Variants in ZNF461 observed in about 807,000 individuals in gnomAD.
ZNF461 encodes the protein zinc finger protein 461.
A neutral mutation model predicts 18.3 loss-of-function variants in ZNF461; 16 were observed. The observed-to-expected ratio is 0.88, with a 90% CI of 0.59 to 1.33. The LOEUF is 1.33. ZNF461 is among the 40% of genes most tolerant of loss of function. The probability of loss-of-function intolerance (pLI) is 0.00; values close to 1 mark genes in which losing one functional copy is unlikely to be tolerated. For synonymous variants in ZNF461, 179 were observed against 216.9 expected, an observed-to-expected ratio of 0.83 and a Z score of 1.54; for missense variants, 595 against 669.9, an observed-to-expected ratio of 0.89 and a Z score of 1.23.
intron 4 of ZNF461, among the ~76,000 whole-genome samples, chr19:36,655,414 T>A (rs2037699610): frequency 6.6e-6 from 1 of 152,086 alleles, no homozygotes; most frequent in Non-Finnish European, 1.5e-5. Flanking sequence ...GCCTGGGCAA[T>A]ACAGTGAGAC....
intron 4 of ZNF461, among the ~76,000 whole-genome samples, chr19:36,647,620 T>C (rs1360603861): frequency 1.3e-5 from 2 of 152,198 alleles, no homozygotes; most frequent in African/African-American, 4.8e-5. Flanking sequence ...TTTGCGTATA[T>C]ACCTAGAAGT....
intron 1 of ZNF461, among the ~76,000 whole-genome samples, chr19:36,665,663 C>T (rs2037901460): frequency 6.9e-6 from 1 of 144,894 alleles, no homozygotes; most frequent in Admixed American, 7.2e-5. Context: ...GAGCCGAGAT[C>T]GCGCCACCGC....
At chr19:36,645,880 G>A (rs1246141725) in intron 4 of ZNF461, among the ~76,000 whole-genome samples, 2 of 152,158 alleles carry the variant, frequency 1.3e-5, no homozygotes, top group Admixed American at 1.3e-4. Context: ...CACCACCCGG[G>A]TTCAAGCGAT....
chr19:36,648,275 T>C (rs982878329), intron 4 of ZNF461, among the ~76,000 whole-genome samples: 4 of 152,100 alleles, frequency 2.6e-5, no homozygotes, highest in African/African-American at 9.7e-5. Flanking sequence ...CTGCTTTGCC[T>C]TCCACCATGA....
In ZNF461 at chr19:36,638,354, G is replaced by C. The variant is rs2037336291; in HGVS notation, c.*299C>G. ...TATCTCAGAGATTTGAGGGAAGGGA[G>C]GAAATTGTTTTCATTTTATTTCACT... On this transcript the variant is annotated 3_prime_UTR_variant, in exon 6 of 6. Transcript: ENST00000588268. The C allele has an allele frequency of 4.3e-6, 1 of 233,964 alleles. No homozygotes were observed. Among genetic ancestry groups the C allele is most frequent in the Non-Finnish European group, 8.3e-6 (1 of 120,282 alleles). 14.5% of individuals were successfully genotyped at this position (233,964 alleles called of 1,614,324 possible).
chr19:36,664,860 A>G, intron 1 of ZNF461, 74 bp from the exon 2 acceptor site: 1 of 500,350 alleles, frequency 2.0e-6, no homozygotes, highest in Non-Finnish European at 3.5e-6. Context: ...ATTCAGAATG[A>G]CATTTTTCTT....
chr19:36,649,803 G>A (rs751557672), intron 4 of ZNF461, among the ~76,000 whole-genome samples: 28 of 151,954 alleles, frequency 1.8e-4, no homozygotes, highest in African/African-American at 5.8e-4. Context: ...AGATTTAATC[G>A]TTTCACAACA....
At chr19:36,640,238 G>T in intron 5 of ZNF461, 195 bp from the exon 6 acceptor site, 2 of 495,580 alleles carry the variant, frequency 4.0e-6, no homozygotes, top group South Asian at 3.9e-5. Context: ...ATAATTCAAT[G>T]GTGCTGAAAT....
chr19:36,663,784 C>A (rs2037857471), intron 2 of ZNF461, among the ~76,000 whole-genome samples: 1 of 152,034 alleles, frequency 6.6e-6, no homozygotes, highest in South Asian at 2.1e-4. Flanking sequence ...CCCACCTCAG[C>A]CTCTCAAAGT....
Position 36,659,616 on chromosome 19 carries a change from T to C in ZNF461, c.10-1191A>G, listed in dbSNP as rs977901513. Among the ~76,000 whole-genome samples the C allele has an allele frequency of 6.6e-4, 100 of 152,176 alleles. 1 individual carries two copies. The highest frequency in any genetic ancestry group is 1.2e-3 in the Admixed American group (18 of 15,276). On this transcript the variant is annotated intron_variant, in intron 2 of 5. Coordinates refer to ENST00000588268, the MANE Select transcript of ZNF461 (RefSeq NM_153257.5). ...AGAGATTTAATAATTCTCTTAAACT[T>C]GAATCTCTGGAGTGAACAAAATCTC... is the stretch of plus-strand genomic sequence containing the variant.
chr19:36,662,091 A>T (rs2037827859), intron 2 of ZNF461, among the ~76,000 whole-genome samples: 1 of 151,838 alleles, frequency 6.6e-6, no homozygotes, highest in African/African-American at 2.4e-5. Context: ...CTGGTATCGA[A>T]CTCCCGACCT....
chr19:36,663,463 C>T (rs2145418657), intron 2 of ZNF461, among the ~76,000 whole-genome samples: 1 of 151,012 alleles, frequency 6.6e-6, no homozygotes, highest in South Asian at 2.1e-4. Flanking sequence ...ACCCCATTTG[C>T]ATATGTTAAT....
rs1056269462 is a variant in ZNF461 at position 36,663,662 on chromosome 19, A to C, written c.9+1036T>G. 2.6e-5 allele frequency among the ~76,000 whole-genome samples: 4 copies of C among 151,632 alleles called. No homozygotes were observed. In the South Asian group the frequency reaches 8.3e-4, roughly 32 times the overall value. On this transcript the variant is annotated intron_variant, in intron 2 of 5. Transcript: ENST00000588268. ...AGCCTCAGCCTCTCGAGTAGCTAGG[A>C]CTACAGGTGCACACAACCACAAGCA...
chr19:36,658,575 G>C (rs1350571050), intron 2 of ZNF461, 150 bp from the exon 3 acceptor site: 2 of 719,304 alleles, frequency 2.8e-6, no homozygotes, highest in Non-Finnish European at 4.5e-6. Flanking sequence ...GAGGAATTTA[G>C]TGTGACTGAA....
Position 36,639,074 on chromosome 19 carries a change from T to G in ZNF461, c.1271A>C (p.Asp424Ala). Reference sequence around the variant, plus strand: ...CTGATGTAGGGTTAGTTGTAAGCCATCACAAAAAGCCTTCCCACATTCATG... The same window carrying G: ...CTGATGTAGGGTTAGTTGTAAGCCAGCACAAAAAGCCTTCCCACATTCATG... The part of the protein sequence containing the change: ...ECHECGKAFC[D>A]GLQLTLHQRI... Residue 424 changes from aspartate to alanine, a missense_variant, in exon 6 of 6, where the codon GAT becomes GCT. Coordinates refer to ENST00000588268, the MANE Select transcript of ZNF461 (RefSeq NM_153257.5). 1 of 1,613,834 alleles carries G rather than the reference T, an allele frequency of 6.2e-7. No homozygotes were observed.
intron 5 of ZNF461, 161 bp downstream of exon 5, chr19:36,643,633 G>T: frequency 7.1e-6 from 4 of 563,636 alleles, no homozygotes; most frequent in Non-Finnish European, 1.1e-5. Context: ...GTGTGATAAC[G>T]TCACATTCTG....
At chr19:36,658,646 T>TG (rs1191142541) in intron 2 of ZNF461, 5 of 395,810 alleles carry the variant, frequency 1.3e-5, no homozygotes, top group Non-Finnish European at 2.2e-5. Context: ...CTTGTGTAGG[T>TG]GGGAAACTCC....
In ZNF461 at chr19:36,664,628, AC is replaced by A. The variant is rs2037873204; in HGVS notation, c.9+69del. Reference sequence around the variant, plus strand: ...AAAAGCAAATAGTCACATGCCCTATACAAAAAAAACAAAAACAAACAAACAA... The same window carrying A: ...AAAAGCAAATAGTCACATGCCCTATAAAAAAAAACAAAAACAAACAAACAA... On this transcript the variant is annotated intron_variant, in intron 2 of 5. Coordinates refer to ENST00000588268, the MANE Select transcript of ZNF461 (RefSeq NM_153257.5). 4 of 1,329,056 alleles carry A rather than the reference AC, an allele frequency of 3.0e-6. No homozygotes were observed. The East Asian group carries it at 7.6e-5, about 25-fold the overall frequency. The allele number at this position is 1,329,056 out of a possible 1,614,324, so 82.3% of individuals were successfully genotyped here.
rs1480698556 is a variant in ZNF461, at chr19:36,643,780, G to GT, written c.301+13dup. The GT allele has an allele frequency of 6.6e-7, 1 of 1,516,724 alleles. No individual in the cohort carries two copies. Among genetic ancestry groups the GT allele is most frequent in the Non-Finnish European group, 8.8e-7 (1 of 1,133,206 alleles). The allele number at this position is 1,516,724 out of a possible 1,614,324, so 94.0% of individuals were successfully genotyped here. A position where few individuals can be genotyped will look rare whatever the true frequency, so the allele number is the denominator to read the frequency against. The stretch of plus-strand genomic sequence containing the variant: ...TACTTCTACTGTACTCTTAAAAACT[G>GT]TATTTATTTATACCTGCATTTATGT... On this transcript the variant is annotated intron_variant, in intron 5 of 5. Coordinates refer to ENST00000588268, the MANE Select transcript of ZNF461 (RefSeq NM_153257.5).
Sources: allele counts gnomAD v4.1 joint callset (sites outside exome capture counted in the v4.1 genomes callset), GRCh38; gene constraint gnomAD v4.1.1; transcripts MANE v1.5; gene names NCBI Gene and HGNC (gene_info 2026-07-23, HGNC 2026-07-21).